Variants in TRHDE observed in about 807,000 individuals in gnomAD.
The protein encoded by TRHDE is thyrotropin-releasing hormone-degrading ectoenzyme.
TRHDE carries 72 observed loss-of-function variants against 125.7 expected under a neutral mutation model. That is an observed-to-expected ratio of 0.57 (90% CI 0.47 to 0.70). The LOEUF is 0.70. Among genes scored for constraint, TRHDE ranks in the 30% least tolerant of loss-of-function variants. The probability of loss-of-function intolerance (pLI) is 0.00; values close to 1 mark genes in which losing one functional copy is unlikely to be tolerated. For missense variants in TRHDE, 1,110 were observed against 1,327.1 expected, an observed-to-expected ratio of 0.84 and a Z score of 2.54; for synonymous variants, 509 against 509.1, an observed-to-expected ratio of 1.00 and a Z score of 0.00.
At chr12:72,128,278 T>C (rs115545680) in intron 2 of TRHDE, among the ~76,000 whole-genome samples, 1,679 of 152,272 alleles carry the variant, frequency 0.011, 28 homozygotes, top group African/African-American at 0.039. Flanking sequence ...TGTTTAGCCA[T>C]AACTTAACTG....
At position 72,325,558 on chromosome 12, in the gene TRHDE, G is replaced by A. The variant is rs186503916; in HGVS notation, c.1188+38604G>A. On this transcript the variant is annotated intron_variant, in intron 2 of 18. Coordinates refer to ENST00000261180, the MANE Select transcript of TRHDE (RefSeq NM_013381.3). ...CAACAAAATAAGGGATTATTTCATAGAGAAAAAAAAGGTAGTATTTTCCTT... is the reference window on the plus strand; with the variant it reads ...CAACAAAATAAGGGATTATTTCATAAAGAAAAAAAAGGTAGTATTTTCCTT... 2.2e-4 allele frequency among the ~76,000 whole-genome samples: 34 copies of A among 151,716 alleles called. No individual in the cohort carries two copies. In the East Asian group the frequency reaches 6.4e-3, roughly 29 times the overall value.
At chr12:72,198,744 C>T (rs1176369013) in intron 2 of TRHDE, among the ~76,000 whole-genome samples, 1 of 152,122 alleles carries the variant, frequency 6.6e-6, no homozygotes, top group Non-Finnish European at 1.5e-5. Context: ...TTTCCAAATA[C>T]TTTCTGTCAA....
chr12:72,576,262 A>G (rs954017562), intron 12 of TRHDE, among the ~76,000 whole-genome samples: 20 of 152,090 alleles, frequency 1.3e-4, no homozygotes, highest in Non-Finnish European at 1.8e-4. Context: ...GTCAATTAAG[A>G]CAGGTGACTC....
At chr12:72,334,286 G>A (rs183734403) in intron 2 of TRHDE, among the ~76,000 whole-genome samples, 1 of 152,296 alleles carries the variant, frequency 6.6e-6, no homozygotes, top group East Asian at 1.9e-4. Flanking sequence ...GATTTAAAGA[G>A]TAGCTACAGG....
chr12:72,643,162 A>C (rs1160005262), intron 15 of TRHDE, among the ~76,000 whole-genome samples: 1 of 152,072 alleles, frequency 6.6e-6, no homozygotes, highest in Non-Finnish European at 1.5e-5. Flanking sequence ...AAGAGGTGCT[A>C]TTTGTTCTCT....
Position 72,621,189 on chromosome 12 carries a change from G to T in TRHDE, c.2551G>T (p.Ala851Ser). The T allele has an allele frequency of 6.2e-7, 1 of 1,609,746 alleles. No homozygotes were observed. The highest frequency in any genetic ancestry group is 8.5e-7 in the Non-Finnish European group (1 of 1,176,614). Residue 851 changes from alanine to serine, a missense_variant, in exon 14 of 19, where the codon GCA becomes TCA. By Grantham distance (99) the Ala-to-Ser change is moderately conservative. This residue lies in a region of TRHDE where 527 missense variants were observed against 651.8 expected (regional missense o/e 0.81). Transcript: ENST00000261180. ...KNNFNGSLVQ[A>S]SYQHEELRRE... ...TAATTTTAATGGATCTCTTGTTCAA[G>T]CATCCTACCAACATGAGTACTGTTT...
intron 3 of TRHDE, among the ~76,000 whole-genome samples, chr12:72,452,561 T>A (rs1174916058): frequency 6.6e-6 from 1 of 152,152 alleles, no homozygotes; most frequent in Non-Finnish European, 1.5e-5. Context: ...TTGAGTATAA[T>A]GTTAGCTATG....
intron 2 of TRHDE, among the ~76,000 whole-genome samples, chr12:72,198,160 T>C (rs1291255468): frequency 6.6e-6 from 1 of 152,170 alleles, no homozygotes; most frequent in East Asian, 1.9e-4. Context: ...CCTTTTATGA[T>C]AAATAATATT....
At chr12:72,383,993 G>C (rs1872306284) in intron 3 of TRHDE, among the ~76,000 whole-genome samples, 1 of 152,066 alleles carries the variant, frequency 6.6e-6, no homozygotes, top group Non-Finnish European at 1.5e-5. Flanking sequence ...GATGGTCTTT[G>C]TAGAAAATTT....
chr12:72,584,318 A>G (rs1321430631), intron 12 of TRHDE, among the ~76,000 whole-genome samples: 2 of 152,054 alleles, frequency 1.3e-5, no homozygotes, highest in African/African-American at 2.4e-5. Flanking sequence ...CATATACAAC[A>G]TGAAGTTTTG....
chr12:72,549,834 T>C (rs1869591456), intron 7 of TRHDE, among the ~76,000 whole-genome samples: 1 of 151,756 alleles, frequency 6.6e-6, no homozygotes, highest in African/African-American at 2.4e-5. Flanking sequence ...CAGAGAGAAA[T>C]AACTTTTATT....
intron 15 of TRHDE, among the ~76,000 whole-genome samples, chr12:72,651,738 T>G (rs1874514587): frequency 6.6e-6 from 1 of 152,000 alleles, no homozygotes; most frequent in African/African-American, 2.4e-5. Context: ...AAGTCAAATT[T>G]TAGTATATTT....
At chr12:72,662,993 T>C in intron 18 of TRHDE, 59 bp from the exon 19 acceptor site, 2 of 1,511,550 alleles carry the variant, frequency 1.3e-6, no homozygotes, top group Non-Finnish European at 1.8e-6. Context: ...TTCATGTTTG[T>C]TGGACATGAG....
rs925100175 is a variant in TRHDE, at chr12:72,555,165, A to T, written c.1789-7000A>T. 2.0e-5 allele frequency among the ~76,000 whole-genome samples: 3 copies of T among 152,212 alleles called. No homozygotes were observed. In the South Asian group the frequency reaches 6.2e-4, roughly 31 times the overall value. On this transcript the variant is annotated intron_variant, in intron 7 of 18. Transcript: ENST00000261180. Reference sequence around the variant, plus strand: ...GGGTGGAGTAATGGATTTGTATAACATGTAAAATGCCTTTTTTGTTCCTAG... The same window carrying T: ...GGGTGGAGTAATGGATTTGTATAACTTGTAAAATGCCTTTTTTGTTCCTAG...
At chr12:72,155,571 G>T (rs2139324584) in intron 2 of TRHDE, among the ~76,000 whole-genome samples, 1 of 152,170 alleles carries the variant, frequency 6.6e-6, no homozygotes, top group African/African-American at 2.4e-5. Flanking sequence ...TGGGGTTTTG[G>T]TGTGGATGTC....
chr12:72,640,931 A>G (rs1261571843), intron 15 of TRHDE, among the ~76,000 whole-genome samples: 2 of 152,236 alleles, frequency 1.3e-5, no homozygotes, highest in Non-Finnish European at 2.9e-5. Flanking sequence ...TAGTGGTTTG[A>G]GAAATGTTTT....
intron 7 of TRHDE, among the ~76,000 whole-genome samples, chr12:72,551,694 T>C (rs1869680729): frequency 6.6e-6 from 1 of 152,022 alleles, no homozygotes; most frequent in Non-Finnish European, 1.5e-5. Context: ...ACACAGCGGA[T>C]ATGGTCCCTG....
At chr12:72,165,493 G>A (rs1201744094) in intron 2 of TRHDE, among the ~76,000 whole-genome samples, 4 of 152,044 alleles carry the variant, frequency 2.6e-5, no homozygotes, top group Non-Finnish European at 5.9e-5. Flanking sequence ...AGGTTCTAGT[G>A]AGAAATGCAG....
intron 12 of TRHDE, among the ~76,000 whole-genome samples, chr12:72,613,709 A>G (rs954548969): frequency 4.6e-5 from 7 of 152,128 alleles, no homozygotes; most frequent in East Asian, 1.9e-4. Flanking sequence ...TGTTAGTTGA[A>G]CCCAGAAAAT....
Sources: gnomAD v4.1 joint callset for allele counts (sites outside exome capture counted in the v4.1 genomes callset) on GRCh38, gnomAD v4.1.1 for gene constraint, gnomAD v4.1.1 regional missense constraint, MANE v1.5 for transcripts, NCBI Gene and HGNC (gene_info 2026-07-23, HGNC 2026-07-21) for gene names.